The following PCDH15 variants were observed in gnomAD, a reference collection of about 807,000 sequenced individuals.
PCDH15 encodes the protein protocadherin related 15, also known as protocadherin-15.
A neutral mutation model predicts 178.5 loss-of-function variants in PCDH15; 129 were observed. That is an observed-to-expected ratio of 0.72 (90% confidence interval 0.63 to 0.84). The LOEUF (loss-of-function observed/expected upper bound fraction) is 0.84, where lower values mean the gene tolerates loss of function less well. Among genes scored for constraint, PCDH15 ranks in the 40% least tolerant of loss-of-function variants. The pLI is 0.00. For synonymous variants in PCDH15, 800 were observed against 732.0 expected (o/e 1.09, Z -1.50); for missense variants, 2,230 against 2,099.9 (o/e 1.06, Z -1.21).
intron 23 of PCDH15, among the ~76,000 whole-genome samples, chr10:53,942,211 G>C (rs941883033): frequency 4.6e-5 from 7 of 152,082 alleles, no homozygotes; most frequent in Non-Finnish European, 8.8e-5. Context: ...GAACCAATCT[G>C]TATCATTTTA....
At chr10:54,018,968 T>C (rs541389371) in intron 20 of PCDH15, among the ~76,000 whole-genome samples, 17 of 152,218 alleles carry the variant, frequency 1.1e-4, no homozygotes, top group African/African-American at 3.8e-4. Flanking sequence ...TTCAACTAAT[T>C]ACTCATATTC....
chr10:54,375,683 T>C (rs964147465), intron 4 of PCDH15, among the ~76,000 whole-genome samples: 1 of 150,964 alleles, frequency 6.6e-6, no homozygotes, highest in Non-Finnish European at 1.5e-5. Flanking sequence ...AAGTTAATTA[T>C]AGGCTAGTGA....
At chr10:55,214,055 A>G (rs1280103418) in intron 1 of PCDH15, among the ~76,000 whole-genome samples, 1 of 151,906 alleles carries the variant, frequency 6.6e-6, no homozygotes, top group Non-Finnish European at 1.5e-5. Flanking sequence ...TAAATATATG[A>G]TATTTTATGT....
chr10:54,415,225 A>T (rs1954147287), intron 3 of PCDH15, among the ~76,000 whole-genome samples: 1 of 152,052 alleles, frequency 6.6e-6, no homozygotes, highest in Admixed American at 6.6e-5. Flanking sequence ...TTAATTATTG[A>T]TAAGGTCTTT....
chr10:54,490,513 ATTT>A (rs957882465), intron 3 of PCDH15, among the ~76,000 whole-genome samples: 61 of 151,876 alleles, frequency 4.0e-4, no homozygotes, highest in Non-Finnish European at 5.3e-4. Flanking sequence ...AAAATAAATA[ATTT>A]TTTAATAAAA....
intron 28 of PCDH15, among the ~76,000 whole-genome samples, chr10:53,842,106 C>T (rs1160446590): frequency 6.6e-6 from 1 of 152,078 alleles, no homozygotes; most frequent in African/African-American, 2.4e-5. Context: ...GGAGTCAAAC[C>T]ATATTATACT....
At chr10:53,951,812 C>A (rs2087082341) in intron 23 of PCDH15, among the ~76,000 whole-genome samples, 1 of 152,174 alleles carries the variant, frequency 6.6e-6, no homozygotes, top group African/African-American at 2.4e-5. Context: ...AGATCCCATG[C>A]CTGCCAAGGG....
At chr10:55,360,816 A>G (rs151110907) in intron 2 of PCDH15, among the ~76,000 whole-genome samples, 1 of 152,122 alleles carries the variant, frequency 6.6e-6, no homozygotes, top group East Asian at 1.9e-4. Flanking sequence ...ATTTCTCATT[A>G]CTTAGAAATT....
At chr10:55,137,001 T>C (rs1761492036) in intron 2 of PCDH15, among the ~76,000 whole-genome samples, 1 of 152,308 alleles carries the variant, frequency 6.6e-6, no homozygotes, top group Admixed American at 6.5e-5. Flanking sequence ...AAATTATACA[T>C]GGTTTTGGCT....
At chr10:55,104,227 T>C (rs1415777371) in intron 2 of PCDH15, among the ~76,000 whole-genome samples, 2 of 152,116 alleles carry the variant, frequency 1.3e-5, no homozygotes, top group African/African-American at 2.4e-5. Context: ...CACTTTCTTA[T>C]GCATTAAAAA....
chr10:54,440,487 G>T (rs2075731041), intron 3 of PCDH15, among the ~76,000 whole-genome samples: 2 of 151,664 alleles, frequency 1.3e-5, no homozygotes, highest in South Asian at 4.2e-4. Context: ...ATAAATTCTA[G>T]AGGATTCTAG....
In PCDH15 at chr10:55,336,012, A is replaced by T. The variant is rs115895559; in HGVS notation, c.-155-169361T>A. ...TAGAATGAGGTTTCTCAATCTCAGA[A>T]CTATTGACATTTTGGCCCAGATAGT... On this transcript the variant is annotated intron_variant, in intron 2 of 5. Coordinates refer to the PCDH15 transcript ENST00000613346. Among the ~76,000 whole-genome samples the T allele has an allele frequency of 5.6e-3, 851 of 151,668 alleles. 10 individuals carry two copies. Among genetic ancestry groups the T allele is most frequent in the African/African-American group, 0.02 (812 of 41,308 alleles).
At chr10:54,974,356 T>C (rs2131897106) in intron 2 of PCDH15, among the ~76,000 whole-genome samples, 1 of 152,136 alleles carries the variant, frequency 6.6e-6, no homozygotes, top group African/African-American at 2.4e-5. Context: ...ATACATGATA[T>C]ATGTATGCAT....
At chr10:55,168,983 C>A (rs1839264640) in intron 1 of PCDH15, among the ~76,000 whole-genome samples, 1 of 151,940 alleles carries the variant, frequency 6.6e-6, no homozygotes, top group African/African-American at 2.4e-5. Context: ...GGATAAAAGT[C>A]ATATCTTAGA....
intron 3 of PCDH15, among the ~76,000 whole-genome samples, chr10:54,416,807 A>C (rs1383728114): frequency 6.6e-6 from 1 of 152,088 alleles, no homozygotes; most frequent in Admixed American, 6.6e-5. Context: ...ACTTTTTAAT[A>C]GTCGCTATTC....
At chr10:54,993,314 T>C (rs1316838) in intron 2 of PCDH15, among the ~76,000 whole-genome samples, 55,521 of 152,092 alleles carry the variant, frequency 0.37, 12,326 homozygotes, top group African/African-American at 0.62. Flanking sequence ...AACTGAAAGC[T>C]TCTGAGGTTG....
chr10:54,378,699 A>G (rs1247096648), intron 4 of PCDH15, 83 bp downstream of exon 4: 1 of 1,441,992 alleles, frequency 6.9e-7, no homozygotes, highest in Admixed American at 1.7e-5. Flanking sequence ...TATGTAAATA[A>G]TTCAATATCA....
In PCDH15 at chr10:53,805,572, AAACAC is replaced by A. The variant is rs1841096807; in HGVS notation, c.*1002_*1006del. On this transcript the variant is annotated 3_prime_UTR_variant, in exon 38 of 38. Coordinates refer to ENST00000644397, the MANE Select transcript of PCDH15 (RefSeq NM_001384140.1). The stretch of plus-strand genomic sequence containing the variant: ...AAATAACCTGAAAATGGAAGAAGTT[AAACAC>A]AACATTTGAAGTTATGAATTCATAG... The A allele has an allele frequency of 6.6e-6, 1 of 150,726 alleles. No homozygotes were observed. The highest frequency in any genetic ancestry group is 1.5e-5 in the Non-Finnish European group (1 of 67,986). The allele number at this position is 150,726 out of a possible 1,614,324, so 9.3% of individuals were successfully genotyped here.
Position 53,857,236 on chromosome 10 carries a change from G to A in PCDH15, c.3745C>T (p.Gln1249Ter), listed in dbSNP as rs1472644881. Residue 1249 changes from glutamine to a stop codon, truncating the protein, a stop_gained, in exon 28 of 38, where the codon CAA (glutamine) becomes TAA (stop). Transcript: ENST00000644397. LOFTEE classifies it high-confidence loss of function. ...LVSVVNQLDM[Q>*]VIVSNVPPTL... ...GGAGGCACATTGGAAACAATGACTTGCATATCCAGCTGATTGACCACGGAG... is the reference window on the plus strand; with the variant it reads ...GGAGGCACATTGGAAACAATGACTTACATATCCAGCTGATTGACCACGGAG... 6.2e-7 allele frequency: 1 copy of A among 1,611,382 alleles called. No homozygotes were observed. Among genetic ancestry groups the A allele is most frequent in the African/African-American group, 1.3e-5 (1 of 74,828 alleles).
Sources: gnomAD v4.1 joint callset for allele counts (sites outside exome capture counted in the v4.1 genomes callset) on GRCh38, gnomAD v4.1.1 for gene constraint, MANE v1.5 for transcripts, NCBI Gene and HGNC (gene_info 2026-07-23, HGNC 2026-07-21) for gene names.